Variants in PRKAR2B observed in about 807,000 individuals in gnomAD.
The protein encoded by PRKAR2B is cAMP-dependent protein kinase type II-beta regulatory subunit.
A neutral mutation model predicts 49.9 loss-of-function variants in PRKAR2B; 14 were observed. The observed-to-expected ratio is 0.28, with a 90% CI of 0.19 to 0.44. PRKAR2B has a LOEUF of 0.44. Ranked by LOEUF, PRKAR2B falls within the 20% of genes least tolerant of loss-of-function variation. The pLI is 1.00. For synonymous variants in PRKAR2B, 196 were observed against 197.7 expected (o/e 0.99, Z 0.07); for missense variants, 393 against 537.9 (o/e 0.73, Z 2.67).
At chr7:107,141,551 G>A (rs1795790581) in intron 5 of PRKAR2B, among the ~76,000 whole-genome samples, 1 of 152,124 alleles carries the variant, frequency 6.6e-6, no homozygotes, top group African/African-American at 2.4e-5. Flanking sequence ...AATTAGCCAG[G>A]TGTGGTGGTG....
At chr7:107,050,884 A>G (rs181308832) in intron 1 of PRKAR2B, among the ~76,000 whole-genome samples, 4 of 152,118 alleles carry the variant, frequency 2.6e-5, no homozygotes, top group Admixed American at 6.5e-5. Context: ...TTTGGTAGAG[A>G]TGGGTCTTCC....
At chr7:107,080,710 C>G (rs1175660679) in intron 2 of PRKAR2B, among the ~76,000 whole-genome samples, 1 of 152,130 alleles carries the variant, frequency 6.6e-6, no homozygotes, top group Non-Finnish European at 1.5e-5. Context: ...TGTTAGCTTC[C>G]TAATGAGAGC....
intron 2 of PRKAR2B, among the ~76,000 whole-genome samples, chr7:107,095,358 C>G (rs1242689428): frequency 6.6e-6 from 1 of 152,118 alleles, no homozygotes; most frequent in East Asian, 1.9e-4. Context: ...ATTTTGTATC[C>G]TGAGAGTTTG....
intron 2 of PRKAR2B, among the ~76,000 whole-genome samples, chr7:107,098,631 C>A (rs1794898340): frequency 6.6e-6 from 1 of 152,166 alleles, no homozygotes; most frequent in Non-Finnish European, 1.5e-5. Flanking sequence ...GCTCTGGTTT[C>A]TCCCCATCTT....
chr7:107,100,331 T>C (rs1212288098), intron 2 of PRKAR2B, among the ~76,000 whole-genome samples: 1 of 152,230 alleles, frequency 6.6e-6, no homozygotes, highest in Non-Finnish European at 1.5e-5. Context: ...TCTCACTACC[T>C]TCTGACTTCC....
intron 2 of PRKAR2B, among the ~76,000 whole-genome samples, chr7:107,106,916 C>T (rs1261928852): frequency 1.3e-5 from 2 of 152,088 alleles, no homozygotes; most frequent in African/African-American, 4.8e-5. Context: ...CTAGACACAT[C>T]CTACAGTTGT....
At chr7:107,052,747 C>G (rs1793831924) in intron 1 of PRKAR2B, among the ~76,000 whole-genome samples, 1 of 152,244 alleles carries the variant, frequency 6.6e-6, no homozygotes, top group Non-Finnish European at 1.5e-5. Flanking sequence ...CTGCATTGAT[C>G]TCTCCCTTTT....
intron 2 of PRKAR2B, among the ~76,000 whole-genome samples, chr7:107,119,742 T>C (rs1287640135): frequency 6.6e-6 from 1 of 152,194 alleles, no homozygotes; most frequent in Non-Finnish European, 1.5e-5. Context: ...GCTGCTTCTT[T>C]GGTTTTCCAG....
At chr7:107,150,241 C>T (rs1795959285) in intron 6 of PRKAR2B, among the ~76,000 whole-genome samples, 3 of 152,038 alleles carry the variant, frequency 2.0e-5, no homozygotes, top group Admixed American at 2.0e-4. Flanking sequence ...CAACCGAGTT[C>T]TGTATCTTTG....
chr7:107,051,714 C>G (rs1017915270), intron 1 of PRKAR2B, among the ~76,000 whole-genome samples: 1 of 151,956 alleles, frequency 6.6e-6, no homozygotes, highest in Non-Finnish European at 1.5e-5. Context: ...GCAATAGGCT[C>G]TGCCATGTGT....
chr7:107,073,411 T>A (rs1045295833), intron 2 of PRKAR2B, among the ~76,000 whole-genome samples: 1 of 152,208 alleles, frequency 6.6e-6, no homozygotes, highest in Non-Finnish European at 1.5e-5. Flanking sequence ...ACAGAATTCC[T>A]AGCATCTTAA....
intron 6 of PRKAR2B, among the ~76,000 whole-genome samples, chr7:107,148,002 GTTA>G (rs1489392734): frequency 6.6e-6 from 1 of 152,182 alleles, no homozygotes; most frequent in Non-Finnish European, 1.5e-5. Context: ...ATTGGAACCA[GTTA>G]TTATATACTT....
intron 4 of PRKAR2B, among the ~76,000 whole-genome samples, chr7:107,134,390 A>T (rs1441171063): frequency 1.3e-5 from 2 of 152,292 alleles, no homozygotes; most frequent in Middle Eastern, 3.4e-3. Flanking sequence ...TATTCTTTTT[A>T]AAAAATATTT....
At chr7:107,062,897 A>C (rs1282399080) in intron 1 of PRKAR2B, among the ~76,000 whole-genome samples, 1 of 152,166 alleles carries the variant, frequency 6.6e-6, no homozygotes, top group Non-Finnish European at 1.5e-5. Flanking sequence ...CTTGAAAAAA[A>C]GCCAAAGACT....
At chr7:107,129,261 C>T (rs955473221) in intron 4 of PRKAR2B, among the ~76,000 whole-genome samples, 3 of 152,096 alleles carry the variant, frequency 2.0e-5, no homozygotes, top group African/African-American at 4.8e-5. Context: ...GTTTATATTA[C>T]GTCTTCCAGA....
chr7:107,067,515 G>A (rs980786650), intron 1 of PRKAR2B, among the ~76,000 whole-genome samples: 3 of 152,092 alleles, frequency 2.0e-5, no homozygotes, highest in Non-Finnish European at 2.9e-5. Context: ...GTCTACTCAC[G>A]ATTTAGAAAT....
chr7:107,111,227 C>T (rs1201723294), intron 2 of PRKAR2B, among the ~76,000 whole-genome samples: 1 of 152,202 alleles, frequency 6.6e-6, no homozygotes, highest in Non-Finnish European at 1.5e-5. Context: ...TCAGTGCCAG[C>T]TCAGCCACAG....
intron 4 of PRKAR2B, among the ~76,000 whole-genome samples, chr7:107,132,486 A>G (rs1181963790): frequency 1.3e-5 from 2 of 152,210 alleles, no homozygotes; most frequent in African/African-American, 2.4e-5. Context: ...AGTGAAGCCC[A>G]GTAAGAAAAC....
At chr7:107,118,105 T>C (rs1172039093) in intron 2 of PRKAR2B, among the ~76,000 whole-genome samples, 1 of 152,002 alleles carries the variant, frequency 6.6e-6, no homozygotes, top group East Asian at 1.9e-4. Context: ...CACAAGGGAG[T>C]ACAGGTTATC....
Sources: gnomAD v4.1 joint callset for allele counts (sites outside exome capture counted in the v4.1 genomes callset) on GRCh38, gnomAD v4.1.1 for gene constraint, MANE v1.5 for transcripts, NCBI Gene and HGNC (gene_info 2026-07-23, HGNC 2026-07-21) for gene names.